Variants in PINX1 observed in about 807,000 individuals in gnomAD.
The protein encoded by PINX1 is PIN2 (TERF1) interacting telomerase inhibitor 1.
Under a neutral mutation model 25.4 loss-of-function variants are expected in PINX1, and 34 were observed. That is an observed-to-expected ratio of 1.34 (90% confidence interval 1.02 to 1.78). The LOEUF (loss-of-function observed/expected upper bound fraction) is 1.78. PINX1 is among the 40% of genes most tolerant of loss of function. The pLI, the probability that PINX1 is intolerant of heterozygous loss-of-function variation, is 0.00. For synonymous variants in PINX1, 197 were observed against 147.7 expected (o/e 1.33, Z -2.42); for missense variants, 592 against 404.9 (o/e 1.46, Z -3.97).
At chr8:10,785,493 T>C (rs2129074849) in intron 6 of PINX1, among the ~76,000 whole-genome samples, 1 of 152,302 alleles carries the variant, frequency 6.6e-6, no homozygotes, top group South Asian at 2.1e-4. Flanking sequence ...TAAATTACTA[T>C]AAAAAACACT....
chr8:10,825,317 C>G lies in PINX1; in HGVS notation c.394+835G>C, dbSNP rs369931377. 34 of 534,316 alleles carry G rather than the reference C, an allele frequency of 6.4e-5. No individual in the cohort carries two copies. In the East Asian group the frequency reaches 1.4e-3, roughly 21 times the overall value. 33.1% of individuals were successfully genotyped at this position (534,316 alleles called of 1,614,324 possible). A position where few individuals can be genotyped will look rare whatever the true frequency, so the allele number is the denominator to read the frequency against. ...CAGAGATGTGCTGTTCCTGGCATAT[C>G]AAGGTAGAAACACATCCAACCTCCC... On this transcript the variant is annotated intron_variant, in intron 5 of 6. Transcript: ENST00000314787.
At chr8:10,792,447 G>A (rs1369721751) in intron 6 of PINX1, among the ~76,000 whole-genome samples, 4 of 151,990 alleles carry the variant, frequency 2.6e-5, no homozygotes, top group Non-Finnish European at 4.4e-5. Context: ...CAAAATCATT[G>A]ACCGTCCCTC....
At chr8:10,810,704 A>G (rs535575091) in intron 6 of PINX1, among the ~76,000 whole-genome samples, 5 of 152,230 alleles carry the variant, frequency 3.3e-5, no homozygotes, top group Non-Finnish European at 7.3e-5. Flanking sequence ...GAAGGAAAAC[A>G]AGTAACCAAA....
chr8:10,771,111 T>C (rs1382020021), intron 6 of PINX1: 1 of 152,236 alleles, frequency 6.6e-6, no homozygotes, highest in African/African-American at 2.4e-5. Flanking sequence ...GTGAGTGGTT[T>C]GACAGAACAT....
At chr8:10,819,111 T>C (rs1161957481) in intron 6 of PINX1, among the ~76,000 whole-genome samples, 7 of 152,204 alleles carry the variant, frequency 4.6e-5, no homozygotes, top group Admixed American at 4.6e-4. Flanking sequence ...CAAAGCCAGG[T>C]ATCCTTTCCC....
chr8:10,788,370 G>A (rs1008614028), intron 6 of PINX1, among the ~76,000 whole-genome samples: 3 of 152,164 alleles, frequency 2.0e-5, no homozygotes, highest in Non-Finnish European at 2.9e-5. Context: ...GAGACCAGCA[G>A]TTGAAGACAT....
intron 4 of PINX1, among the ~76,000 whole-genome samples, chr8:10,831,209 C>T (rs749331433): frequency 3.3e-5 from 5 of 152,126 alleles, no homozygotes; most frequent in Non-Finnish European, 4.4e-5. Context: ...CACATATTCT[C>T]GTTCATATGG....
chr8:10,799,059 G>T (rs973867014), intron 6 of PINX1, among the ~76,000 whole-genome samples: 5 of 151,930 alleles, frequency 3.3e-5, no homozygotes, highest in Non-Finnish European at 7.4e-5. Flanking sequence ...TACTTTCTTG[G>T]GAAACTGATC....
intron 6 of PINX1, among the ~76,000 whole-genome samples, chr8:10,791,367 T>A (rs1039004547): frequency 6.6e-6 from 1 of 152,134 alleles, no homozygotes; most frequent in African/African-American, 2.4e-5. Context: ...GAAGCACACA[T>A]CGCAAATGCT....
intron 6 of PINX1, among the ~76,000 whole-genome samples, chr8:10,806,209 G>C (rs935283184): frequency 1.3e-5 from 2 of 152,152 alleles, no homozygotes; most frequent in African/African-American, 4.8e-5. Context: ...GGCCACACTA[G>C]TGCTGAGGGA....
At chr8:10,821,788 C>G (rs1390909001) in intron 5 of PINX1, 2 of 152,206 alleles carry the variant, frequency 1.3e-5, no homozygotes, top group Admixed American at 6.5e-5. Flanking sequence ...CTAACCTATC[C>G]TCTGGAATAG....
chr8:10,787,043 A>G (rs935865471), intron 6 of PINX1, among the ~76,000 whole-genome samples: 27 of 152,078 alleles, frequency 1.8e-4, no homozygotes, highest in African/African-American at 6.3e-4. Flanking sequence ...AAAACGACAT[A>G]CATTTTAACA....
At chr8:10,828,371 G>A (rs117892563) in intron 4 of PINX1, among the ~76,000 whole-genome samples, 3 of 152,168 alleles carry the variant, frequency 2.0e-5, no homozygotes, top group African/African-American at 7.2e-5. Context: ...TATGAGGGAC[G>A]AGGCGCTGGA....
intron 3 of PINX1, 97 bp from the exon 4 acceptor site, chr8:10,831,840 T>G: frequency 1.5e-6 from 1 of 684,068 alleles, no homozygotes; most frequent in South Asian, 1.7e-5. Flanking sequence ...CAGTGGTTAA[T>G]TAAGAAATTT....
chr8:10,838,347 C>G (rs993898369), intron 1 of PINX1, among the ~76,000 whole-genome samples: 1 of 152,118 alleles, frequency 6.6e-6, no homozygotes, highest in African/African-American at 2.4e-5. Flanking sequence ...TTTGGAATAA[C>G]GTTGGGAAGA....
At chr8:10,767,491 GTTTTAA>G (rs948492275) in intron 6 of PINX1, among the ~76,000 whole-genome samples, 30 of 152,122 alleles carry the variant, frequency 2.0e-4, no homozygotes, top group African/African-American at 6.8e-4. Flanking sequence ...TTGGGAAGCA[GTTTTAA>G]TTTTATCTAT....
At chr8:10,791,579 T>A (rs767364570) in intron 6 of PINX1, among the ~76,000 whole-genome samples, 2 of 152,204 alleles carry the variant, frequency 1.3e-5, no homozygotes, top group Non-Finnish European at 2.9e-5. Context: ...GAAGCTACAA[T>A]TAGAATTTAG....
intron 6 of PINX1, among the ~76,000 whole-genome samples, chr8:10,783,139 T>A (rs1254106564): frequency 6.6e-6 from 1 of 152,218 alleles, no homozygotes; most frequent in Non-Finnish European, 1.5e-5. Context: ...CATGAAAATG[T>A]AAAGAAAACT....
chr8:10,838,960 G>A (rs1798486768), intron 1 of PINX1, among the ~76,000 whole-genome samples: 1 of 152,124 alleles, frequency 6.6e-6, no homozygotes, highest in South Asian at 2.1e-4. Flanking sequence ...CCCTGTGCTG[G>A]TCTGCTTGAT....
Sources: gnomAD v4.1 joint callset for allele counts (sites outside exome capture counted in the v4.1 genomes callset) on GRCh38, gnomAD v4.1.1 for gene constraint, MANE v1.5 for transcripts, NCBI Gene and HGNC (gene_info 2026-07-23, HGNC 2026-07-21) for gene names.